KLHL32: variants seen among roughly 807,000 people sequenced by gnomAD.
KLHL32 encodes kelch-like protein 32.
Under a neutral mutation model 64.8 loss-of-function variants are expected in KLHL32, and 35 were observed. That is an observed-to-expected ratio of 0.54 (90% CI 0.41 to 0.72). The LOEUF (loss-of-function observed/expected upper bound fraction) is 0.72, where lower values mean the gene tolerates loss of function less well. Among genes scored for constraint, KLHL32 ranks in the 30% least tolerant of loss-of-function variants. The pLI, the probability that KLHL32 is intolerant of heterozygous loss-of-function variation, is 0.00. For missense variants in KLHL32, 589 were observed against 768.5 expected, an observed-to-expected ratio of 0.77 and a Z score of 2.76; for synonymous variants, 259 against 281.0, an observed-to-expected ratio of 0.92 and a Z score of 0.78.
intron 6 of KLHL32, among the ~76,000 whole-genome samples, chr6:97,112,653 G>A (rs955099887): frequency 1.3e-5 from 2 of 151,718 alleles, no homozygotes; most frequent in African/African-American, 4.8e-5. Context: ...CACCATGTTG[G>A]CCAGGCTGGA....
chr6:96,992,760 A>G (rs4839701), intron 3 of KLHL32, among the ~76,000 whole-genome samples: 10,894 of 152,282 alleles, frequency 0.072, 848 homozygotes, highest in Admixed American at 0.22. Context: ...TATATTATAA[A>G]GCCTCTGGAG....
At chr6:97,114,620 A>G in intron 7 of KLHL32, 111 bp downstream of exon 7, 5 of 1,301,354 alleles carry the variant, frequency 3.8e-6, no homozygotes, top group Non-Finnish European at 5.4e-6. Context: ...TGAACCAAGC[A>G]TGCCATTTTA....
intron 3 of KLHL32, chr6:96,994,575 C>T (rs983918844): frequency 6.1e-6 from 6 of 985,170 alleles, no homozygotes; most frequent in East Asian, 1.1e-4. Context: ...GTAAGAAGGC[C>T]GAAGCTTTGA....
chr6:97,068,473 T>C (rs554992270), intron 5 of KLHL32, among the ~76,000 whole-genome samples: 2 of 152,228 alleles, frequency 1.3e-5, no homozygotes, highest in African/African-American at 4.8e-5. Flanking sequence ...GAAAAAATAA[T>C]GAAAAGAAAA....
intron 9 of KLHL32, among the ~76,000 whole-genome samples, chr6:97,131,311 C>T (rs777356462): frequency 4.6e-5 from 7 of 152,126 alleles, no homozygotes; most frequent in Admixed American, 1.3e-4. Flanking sequence ...GTTTACTTCT[C>T]ACTGCTTTTA....
Position 96,953,629 on chromosome 6 carries a change from C to CA in KLHL32, c.-65-13355dup, listed in dbSNP as rs111533906. On this transcript the variant is annotated intron_variant, in intron 1 of 10. Transcript: ENST00000369261. ...TGGGTGACAGAGTGAGACTCCATCT[C>CA]AAAAAAAAAAAAGAAAATTTAGCTT... 3.9e-3 allele frequency among the ~76,000 whole-genome samples: 524 copies of CA among 135,250 alleles called. 2 individuals are homozygous for CA. The highest frequency in any genetic ancestry group is 5.9e-3 in the Non-Finnish European group (365 of 62,260). 88.7% of individuals were successfully genotyped at this position (135,250 alleles called of 152,430 possible).
At chr6:97,001,419 C>T (rs566750713) in intron 3 of KLHL32, among the ~76,000 whole-genome samples, 27 of 152,192 alleles carry the variant, frequency 1.8e-4, no homozygotes, top group Non-Finnish European at 4.0e-4. Context: ...TTATTGTTTT[C>T]GAGAAAGGTG....
rs376901209 is a variant in KLHL32 at position 97,114,190 on chromosome 6, G to A, written c.1035G>A (p.Gly345=). The A allele has an allele frequency of 1.7e-5, 28 of 1,614,066 alleles. No individual in the cohort carries two copies. The highest frequency in any genetic ancestry group is 2.3e-5 in the Non-Finnish European group (27 of 1,180,044). The stretch of plus-strand genomic sequence containing the variant: ...GCCACCATTGTGTGGCAGTCATGGG[G>A]GACTTCCTGTTTGTGGCAGGAGGGG... ...GRSHHCVAVM[G]DFLFVAGGEV... The change falls in exon 7 of 11, where the codon GGG becomes GGA. Residue 345 remains glycine (G), a synonymous_variant. Transcript: ENST00000369261.
chr6:96,907,053 A>C, the KLHL32 span, among the ~76,000 whole-genome samples: 1 of 152,078 alleles, frequency 6.6e-6, no homozygotes, highest in Non-Finnish European at 1.5e-5. Flanking sequence ...CATTTTGATA[A>C]GTGGTCTTAA....
rs1056458501 is a variant in KLHL32, at chr6:97,040,595, A to C, written c.205-897A>C. On this transcript the variant is annotated intron_variant, in intron 3 of 10. Transcript: ENST00000369261. ...AGAGTCTGTACTCAGACACGTTCCC[A>C]GGTGATCCTGATGTCGCTGGTCCAA... 1.6e-4 allele frequency among the ~76,000 whole-genome samples: 24 copies of C among 152,162 alleles called. 1 individual carries two copies. Among genetic ancestry groups the C allele is most frequent in the Middle Eastern group, 6.3e-3 (2 of 316 alleles).
chr6:96,925,070 G>A (rs1398546317), intron 1 of KLHL32, 44 bp downstream of exon 1: 2 of 152,316 alleles, frequency 1.3e-5, no homozygotes, highest in Non-Finnish European at 2.9e-5. Flanking sequence ...CAGACCTGAG[G>A]AAGAGGGTGG....
At chr6:97,131,217 A>C (rs1799409258) in intron 9 of KLHL32, among the ~76,000 whole-genome samples, 1 of 152,188 alleles carries the variant, frequency 6.6e-6, no homozygotes, top group African/African-American at 2.4e-5. Flanking sequence ...ATTATCATCC[A>C]TCAGTGTTAA....
intron 3 of KLHL32, among the ~76,000 whole-genome samples, chr6:96,987,844 A>C (rs1394653656): frequency 3.3e-5 from 5 of 152,146 alleles, no homozygotes; most frequent in Non-Finnish European, 4.4e-5. Flanking sequence ...CAAAAACAAG[A>C]AATGGGGAAA....
chr6:96,931,496 G>C (rs1769886023), intron 1 of KLHL32, among the ~76,000 whole-genome samples: 2 of 152,172 alleles, frequency 1.3e-5, no homozygotes, highest in Admixed American at 1.3e-4. Context: ...GGATTATAAA[G>C]CCTGTCCTTA....
At chr6:96,992,423 A>G (rs896933110) in intron 3 of KLHL32, among the ~76,000 whole-genome samples, 2 of 152,206 alleles carry the variant, frequency 1.3e-5, no homozygotes, top group Non-Finnish European at 2.9e-5. Flanking sequence ...GTCCACTTGG[A>G]TAATCCAGTT....
At chr6:96,944,827 GTCT>G (rs926954344) in intron 1 of KLHL32, among the ~76,000 whole-genome samples, 3 of 152,160 alleles carry the variant, frequency 2.0e-5, no homozygotes, top group Admixed American at 6.5e-5. Flanking sequence ...AAGAAATACT[GTCT>G]TCTTTGGTGG....
rs1444395122 is a variant in KLHL32 at position 97,140,446 on chromosome 6, A to G, written c.*1164A>G. ...CACCACCAATACATATTTTATTACT[A>G]TCTCTTTTAATAATGCATAGGAATT... On this transcript the variant is annotated 3_prime_UTR_variant, in exon 11 of 11. Transcript: ENST00000369261. 1 of 152,030 alleles carries G rather than the reference A, an allele frequency of 6.6e-6. No homozygotes were observed. Among genetic ancestry groups the G allele is most frequent in the Non-Finnish European group, 1.5e-5 (1 of 67,906 alleles). The allele number at this position is 152,030 out of a possible 1,614,324, so 9.4% of individuals were successfully genotyped here. A position where few individuals can be genotyped will look rare whatever the true frequency, so the allele number is the denominator to read the frequency against.
chr6:97,095,386 T>C (rs1307573409), intron 6 of KLHL32, among the ~76,000 whole-genome samples: 2 of 152,220 alleles, frequency 1.3e-5, no homozygotes, highest in Non-Finnish European at 2.9e-5. Flanking sequence ...CTGAAGAATC[T>C]TTTTGCTCTT....
chr6:96,958,937 G>A (rs1027391983), intron 1 of KLHL32, among the ~76,000 whole-genome samples: 2 of 152,120 alleles, frequency 1.3e-5, no homozygotes, highest in African/African-American at 2.4e-5. Context: ...ATGGCTGTGC[G>A]TCTACACTTT....
Sources: gnomAD v4.1 joint callset for allele counts (sites outside exome capture counted in the v4.1 genomes callset) on GRCh38, gnomAD v4.1.1 for gene constraint, MANE v1.5 for transcripts, NCBI Gene and HGNC (gene_info 2026-07-23, HGNC 2026-07-21) for gene names.